TREH: variants seen among roughly 807,000 people sequenced by gnomAD.
The protein encoded by TREH is trehalase, also known as alpha,alpha-trehalose glucohydrolase.
TREH carries 69 observed loss-of-function variants against 80.5 expected under a neutral mutation model. The observed-to-expected ratio is 0.86, with a 90% CI of 0.71 to 1.05. The LOEUF (loss-of-function observed/expected upper bound fraction) is 1.05. TREH is among the 50% of genes least tolerant of loss of function. TREH has a pLI of 0.00. For missense variants in TREH, 716 were observed against 718.8 expected (o/e 1.00, Z 0.04); for synonymous variants, 309 against 293.5 (o/e 1.05, Z -0.54).
In TREH at chr11:118,661,453, G is replaced by T. The variant is rs782245431; in HGVS notation, c.674C>A (p.Pro225Gln). 6.2e-7 allele frequency: 1 copy of T among 1,613,914 alleles called. No individual in the cohort carries two copies. Among genetic ancestry groups the T allele is most frequent in the Non-Finnish European group, 8.5e-7 (1 of 1,179,860 alleles). Residue 225 changes from proline (P) to glutamine (Q), a missense_variant, in exon 7 of 15, where the codon CCA (proline) becomes CAA (glutamine). Physicochemically the swap from Pro to Gln is moderately conservative, Grantham distance 76 (BLOSUM62 -1). Coordinates refer to ENST00000264029, the MANE Select transcript of TREH (RefSeq NM_007180.3). The surrounding 1 kb of genome is among the most constrained non-coding windows in gnomAD (Gnocchi z 4.2). ...GCAATCCATCATGAGGGTCAAGAGT[G>T]GGGGCTGGCTCCGCTGCAGGTAGTA... is the stretch of plus-strand genomic sequence containing the variant. ...RVYYLQRSQP[P>Q]LLTLMMDCYL...
At chr11:118,671,403 A>C (rs1447977265) in intron 1 of TREH, among the ~76,000 whole-genome samples, 1 of 152,144 alleles carries the variant, frequency 6.6e-6, no homozygotes, top group African/African-American at 2.4e-5. Flanking sequence ...ATACTGAAGA[A>C]TGCATCGGAG....
intron 1 of TREH, among the ~76,000 whole-genome samples, chr11:118,672,170 C>T (rs985323628): frequency 3.9e-5 from 6 of 152,030 alleles, no homozygotes; most frequent in African/African-American, 1.2e-4. Context: ...GAGGCCGAGG[C>T]GGGATGATCA....
chr11:118,675,914 G>A (rs965798801), intron 1 of TREH, among the ~76,000 whole-genome samples: 1 of 152,138 alleles, frequency 6.6e-6, no homozygotes, highest in Non-Finnish European at 1.5e-5. Flanking sequence ...TGTTGGCCAG[G>A]CTGCTCTCAA....
chr11:118,663,045 G>T lies in TREH; in HGVS notation c.335+7C>A, dbSNP rs994826653. ...AACCCTCTCTTGTTCCCCTTCCAGAGTCATACCTGTCTTTCCAGTCTGCAG... is the reference window on the plus strand; with the variant it reads ...AACCCTCTCTTGTTCCCCTTCCAGATTCATACCTGTCTTTCCAGTCTGCAG... On this transcript the variant is annotated splice_region_variant and intron_variant, in intron 3 of 14. Transcript: ENST00000264029. 5 of 1,613,220 alleles carry T rather than the reference G, an allele frequency of 3.1e-6. No individual in the cohort carries two copies. The highest frequency in any genetic ancestry group is 3.3e-5 in the Admixed American group (2 of 59,958).
At position 118,659,397 on chromosome 11, in the gene TREH, C is replaced by G; in HGVS notation, c.1405G>C (p.Ala469Pro). The G allele has an allele frequency of 1.3e-6, 2 of 1,597,850 alleles. No individual in the cohort carries two copies. The change falls in exon 12 of 15, where the codon GCC becomes CCC. Residue 469 changes from alanine to proline, a missense_variant. Physicochemically the swap from Ala to Pro is conservative, Grantham distance 27 (BLOSUM62 -1). Coordinates refer to ENST00000264029, the MANE Select transcript of TREH (RefSeq NM_007180.3). ...CTGATGACCAGGTCCTGCAGGGGGGCCCAGGCATTGGGGAAATCCCACTGC... is the reference window on the plus strand; with the variant it reads ...CTGATGACCAGGTCCTGCAGGGGGGGCCAGGCATTGGGGAAATCCCACTGC... ...GQQWDFPNAWAPLQDLVIRGL... is the reference protein window; with the variant it reads ...GQQWDFPNAWPPLQDLVIRGL...
At chr11:118,672,278 G>A (rs757889070) in intron 1 of TREH, among the ~76,000 whole-genome samples, 6 of 152,030 alleles carry the variant, frequency 3.9e-5, no homozygotes, top group African/African-American at 1.4e-4. Flanking sequence ...CGCACTTGTA[G>A]TCCCAGGTAC....
Position 118,657,779 on chromosome 11 carries a change from G to A in TREH, c.*510C>T. On this transcript the variant is annotated 3_prime_UTR_variant, in exon 15 of 15. Transcript: ENST00000264029. ...GCTCCTAGAGAGAAAGCCTGAGCAG[G>A]AGATGATGCAGCAGAGGGGAAGGGC... 1 of 161,356 alleles carries A rather than the reference G, an allele frequency of 6.2e-6. No homozygotes were observed. The highest frequency in any genetic ancestry group is 1.4e-5 in the Non-Finnish European group (1 of 72,870). 10.0% of individuals were successfully genotyped at this position (161,356 alleles called of 1,614,324 possible). A position where few individuals can be genotyped will look rare whatever the true frequency, so the allele number is the denominator to read the frequency against.
chr11:118,667,916 G>A (rs761798851), intron 1 of TREH, among the ~76,000 whole-genome samples: 5 of 151,866 alleles, frequency 3.3e-5, no homozygotes, highest in African/African-American at 4.8e-5. Flanking sequence ...CCAGGCTGGA[G>A]TGCAGTGGCT....
intron 1 of TREH, among the ~76,000 whole-genome samples, chr11:118,678,371 A>G (rs1338715515): frequency 6.6e-6 from 1 of 151,756 alleles, no homozygotes; most frequent in Non-Finnish European, 1.5e-5. Context: ...TATTATTATT[A>G]TTATTATTTG....
intron 9 of TREH, 56 bp from the exon 10 acceptor site, chr11:118,660,789 G>A: frequency 6.5e-7 from 1 of 1,547,302 alleles, no homozygotes; most frequent in Non-Finnish European, 8.8e-7. Context: ...GGCAGCCATT[G>A]ACAGGAGACC....
At chr11:118,658,797 C>T in intron 13 of TREH, 64 bp from the exon 14 acceptor site, 2 of 1,611,652 alleles carry the variant, frequency 1.2e-6, no homozygotes, top group Non-Finnish European at 1.7e-6. Context: ...CAACAAACAA[C>T]CAGAGCCCCT....
chr11:118,667,472 A>G (rs969220451), intron 1 of TREH, among the ~76,000 whole-genome samples: 7 of 152,098 alleles, frequency 4.6e-5, no homozygotes, highest in Non-Finnish European at 1.0e-4. Flanking sequence ...AAGTGTTGAG[A>G]TTACTGTGAT....
chr11:118,658,293 C>A lies in TREH; in HGVS notation c.1748G>T (p.Trp583Leu). Reference protein sequence around the residue: ...LPSLLLSLLPW With the variant: ...LPSLLLSLLPL ...CAGGTGAGGAGAGGAGGGCTGTCAC[C>A]ATGGCAGGAGGCTGAGCAGGAGGCT... is the stretch of plus-strand genomic sequence containing the variant. Residue 583 changes from tryptophan (W) to leucine (L), a missense_variant, in exon 15 of 15, where the codon TGG becomes TTG. Trp to Leu is a moderately conservative substitution (Grantham distance 61). Transcript: ENST00000264029. 6.3e-7 allele frequency: 1 copy of A among 1,585,654 alleles called. No homozygotes were observed. The highest frequency in any genetic ancestry group is 8.6e-7 in the Non-Finnish European group (1 of 1,166,794).
At chr11:118,670,004 TA>T (rs1156615434) in intron 1 of TREH, among the ~76,000 whole-genome samples, 9 of 150,124 alleles carry the variant, frequency 6.0e-5, no homozygotes, top group African/African-American at 2.0e-4. Flanking sequence ...CTCCAAAAAT[TA>T]AAAAAAAAGA....
intron 1 of TREH, among the ~76,000 whole-genome samples, chr11:118,664,407 T>C (rs1171575482): frequency 1.3e-5 from 2 of 152,252 alleles, no homozygotes; most frequent in Non-Finnish European, 2.9e-5. Flanking sequence ...TGCTGACTTA[T>C]GGGCAGTAGC....
Position 118,658,308 on chromosome 11 carries a change from A to G in TREH, c.1733T>C (p.Leu578Pro), listed in dbSNP as rs1949234837. ...GGGCTGTCACCATGGCAGGAGGCTG[A>G]GCAGGAGGCTGGGCAGAAGGGTGGC... ...LAATLLPSLL[L>P]SLLPW Residue 578 changes from leucine to proline, a missense_variant, in exon 15 of 15, where the codon CTC (leucine) becomes CCC (proline). Leu to Pro is a moderately conservative substitution (Grantham distance 98). Coordinates refer to ENST00000264029, the MANE Select transcript of TREH (RefSeq NM_007180.3). The G allele has an allele frequency of 3.8e-6, 6 of 1,588,406 alleles. No individual in the cohort carries two copies. The highest frequency in any genetic ancestry group is 2.3e-5 in the East Asian group (1 of 43,724).
intron 4 of TREH, among the ~76,000 whole-genome samples, chr11:118,662,227 GACCCGACC>G (rs1377941464): frequency 7.1e-6 from 1 of 139,902 alleles, no homozygotes; most frequent in East Asian, 2.5e-4. Flanking sequence ...CCGGGTAGAA[GACCCGACC>G]ACTGAGCCAG....
At position 118,660,640 on chromosome 11, in the gene TREH, T is replaced by C. The variant is rs782001935; in HGVS notation, c.1001A>G (p.Asn334Ser). Reference protein sequence around the residue: ...SRWLIGGPNPNSLSGIRTSKL... With the variant: ...SRWLIGGPNPSSLSGIRTSKL... ...GCTTGTTCGGATGCCGCTAAGCGAGTTGGGGTTTGGGCCTCCAATGAGCCA... is the reference window on the plus strand; with the variant it reads ...GCTTGTTCGGATGCCGCTAAGCGAGCTGGGGTTTGGGCCTCCAATGAGCCA... The change falls in exon 10 of 15, where the codon AAC becomes AGC. Residue 334 changes from asparagine to serine, a missense_variant. By Grantham distance (46) the Asn-to-Ser change is conservative. Coordinates refer to ENST00000264029, the MANE Select transcript of TREH (RefSeq NM_007180.3). 4.4e-5 allele frequency: 70 copies of C among 1,607,394 alleles called. 1 individual carries two copies. In the South Asian group the frequency reaches 7.8e-4, roughly 18 times the overall value.
At chr11:118,664,271 C>T (rs943984962) in intron 1 of TREH, among the ~76,000 whole-genome samples, 1 of 152,210 alleles carries the variant, frequency 6.6e-6, no homozygotes, top group Non-Finnish European at 1.5e-5. Flanking sequence ...GGCCTTTGCA[C>T]TCTGACTGAG....
Sources: allele counts gnomAD v4.1 joint callset (sites outside exome capture counted in the v4.1 genomes callset), GRCh38; gene constraint gnomAD v4.1.1; non-coding constraint Gnocchi (gnomAD v3.1); transcripts MANE v1.5; gene names NCBI Gene and HGNC (gene_info 2026-07-23, HGNC 2026-07-21).